The following ADARB2 variants were observed in gnomAD, a reference collection of about 807,000 sequenced individuals.
ADARB2 encodes the protein adenosine deaminase RNA specific B2 (inactive).
Under a neutral mutation model 62.2 loss-of-function variants are expected in ADARB2, and 25 were observed. The observed-to-expected ratio is 0.40, with a 90% CI of 0.29 to 0.56. ADARB2 has a LOEUF of 0.56. ADARB2 is among the 20% of genes least tolerant of loss of function. The pLI, the probability that ADARB2 is intolerant of heterozygous loss-of-function variation, is 0.43. For synonymous variants in ADARB2, 572 were observed against 500.8 expected, an observed-to-expected ratio of 1.14 and a Z score of -1.90; for missense variants, 1,071 against 1,077.4, an observed-to-expected ratio of 0.99 and a Z score of 0.08.
At position 1,179,777 on chromosome 10, in the gene ADARB2, G is replaced by A. The variant is rs1479129796; in HGVS notation, c.*3416C>T. The A allele has an allele frequency of 1.3e-5, 2 of 152,324 alleles. No individual in the cohort carries two copies. The highest frequency in any genetic ancestry group is 4.8e-5 in the African/African-American group (2 of 41,462). 9.4% of individuals were successfully genotyped at this position (152,324 alleles called of 1,614,324 possible). ...TATGAATACAGACCACAGAAAATCT[G>A]AAGCAAGGGGCTTGGCGGTGTCAGG... On this transcript the variant is annotated 3_prime_UTR_variant, in exon 10 of 10. Transcript: ENST00000381312.
chr10:1,469,394 T>C (rs140422192), intron 1 of ADARB2, among the ~76,000 whole-genome samples: 1 of 152,342 alleles, frequency 6.6e-6, no homozygotes, highest in East Asian at 1.9e-4. Flanking sequence ...ATTCTGATCT[T>C]AGAATTTGTA....
intron 1 of ADARB2, among the ~76,000 whole-genome samples, chr10:1,724,847 C>A (rs1835143739): frequency 6.6e-6 from 1 of 152,176 alleles, no homozygotes; most frequent in African/African-American, 2.4e-5. Flanking sequence ...AGCCACAATG[C>A]CTGATGAGGG....
At chr10:1,481,870 AAG>A (rs1491072627) in intron 1 of ADARB2, among the ~76,000 whole-genome samples, 1 of 151,596 alleles carries the variant, frequency 6.6e-6, no homozygotes, top group Non-Finnish European at 1.5e-5. Context: ...AAAAAAAAAA[AAG>A]AGAATAGAAA....
At chr10:1,571,654 G>A (rs1235483954) in intron 1 of ADARB2, among the ~76,000 whole-genome samples, 5 of 152,092 alleles carry the variant, frequency 3.3e-5, no homozygotes, top group Non-Finnish European at 7.4e-5. Flanking sequence ...ATGCAGGTGA[G>A]TGGACAGGTG....
At chr10:1,571,969 A>AGGTGAGTGTGCT (rs558816181) in intron 1 of ADARB2, among the ~76,000 whole-genome samples, 1 of 144,948 alleles carries the variant, frequency 6.9e-6, no homozygotes, top group African/African-American at 2.7e-5. Context: ...GTGAGTGTGC[A>AGGTGAGTGTGCT]GGTGAGTGTG....
intron 1 of ADARB2, among the ~76,000 whole-genome samples, chr10:1,394,063 C>T (rs1466872820): frequency 6.6e-6 from 1 of 152,184 alleles, no homozygotes; most frequent in Non-Finnish European, 1.5e-5. Context: ...GCACTTGCTC[C>T]ACTCACTCGT....
rs1835032307 is a variant in ADARB2, at chr10:1,717,327, C to T, written c.100+19724G>A. 2.6e-5 allele frequency among the ~76,000 whole-genome samples: 4 copies of T among 151,506 alleles called. No homozygotes were observed. In the South Asian group the frequency reaches 8.4e-4, roughly 32 times the overall value. On this transcript the variant is annotated intron_variant, in intron 1 of 9. Coordinates refer to ENST00000381312, the MANE Select transcript of ADARB2 (RefSeq NM_018702.4). ...TGAGTCGGGGAAGCCCTGGGGACCC[C>T]AGGGCAGCTGGGCCTGTGTCAGTGA...
chr10:1,407,424 C>T (rs537561220), intron 1 of ADARB2, among the ~76,000 whole-genome samples: 9 of 152,320 alleles, frequency 5.9e-5, no homozygotes, highest in Admixed American at 1.3e-4. Flanking sequence ...TAACCCCTGG[C>T]GGTGGTCCCA....
chr10:1,677,693 T>C (rs551953391), intron 1 of ADARB2, among the ~76,000 whole-genome samples: 2 of 152,338 alleles, frequency 1.3e-5, no homozygotes, highest in African/African-American at 4.8e-5. Context: ...ACTACAGCTA[T>C]GTATTTGCAT....
chr10:1,341,494 G>C (rs1832027596), intron 3 of ADARB2, among the ~76,000 whole-genome samples: 1 of 144,354 alleles, frequency 6.9e-6, no homozygotes, highest in Non-Finnish European at 1.5e-5. Flanking sequence ...GCAATAACCA[G>C]CATCCACCAG....
chr10:1,458,587 C>T (rs1831126810), intron 1 of ADARB2, among the ~76,000 whole-genome samples: 2 of 152,216 alleles, frequency 1.3e-5, no homozygotes, highest in Admixed American at 6.5e-5. Flanking sequence ...CTTCTTCCTT[C>T]TCCACTTGGG....
chr10:1,185,511 A>AAAACAAACC (rs1554741659), intron 8 of ADARB2, among the ~76,000 whole-genome samples: 1 of 152,138 alleles, frequency 6.6e-6, no homozygotes, highest in East Asian at 1.9e-4. Context: ...AAAACAAAAC[A>AAAACAAACC]AAACAATAAA....
chr10:1,459,915 A>G (rs1831147116), intron 1 of ADARB2, among the ~76,000 whole-genome samples: 1 of 144,844 alleles, frequency 6.9e-6, no homozygotes, highest in African/African-American at 2.7e-5. Context: ...TGTGCAGCAA[A>G]CCTGCCTGTG....
chr10:1,276,108 T>C lies in ADARB2; in HGVS notation c.1078-5039A>G, dbSNP rs1392738650. Among the ~76,000 whole-genome samples the C allele has an allele frequency of 2.0e-5, 3 of 152,048 alleles. No individual in the cohort carries two copies. The East Asian group carries it at 5.8e-4, about 29-fold the overall frequency. Reference sequence around the variant, plus strand: ...CTGACTTCCACAATGGTTGAACTAGTTTACAGTCCCACCAACAGTGTAAAA... The same window carrying C: ...CTGACTTCCACAATGGTTGAACTAGCTTACAGTCCCACCAACAGTGTAAAA... On this transcript the variant is annotated intron_variant, in intron 3 of 9. Coordinates refer to ENST00000381312, the MANE Select transcript of ADARB2 (RefSeq NM_018702.4).
intron 1 of ADARB2, among the ~76,000 whole-genome samples, chr10:1,443,011 G>GCACA (rs1030925861): frequency 1.3e-5 from 2 of 152,180 alleles, no homozygotes; most frequent in Non-Finnish European, 2.9e-5. Flanking sequence ...AACTACTTCA[G>GCACA]CACAAAAGAC....
At chr10:1,414,674 T>C (rs567377431) in intron 1 of ADARB2, among the ~76,000 whole-genome samples, 2 of 152,366 alleles carry the variant, frequency 1.3e-5, no homozygotes, top group East Asian at 1.9e-4. Flanking sequence ...TCCCAGAGCT[T>C]GGGGCCTTTG....
intron 1 of ADARB2, among the ~76,000 whole-genome samples, chr10:1,607,042 T>A (rs1204987667): frequency 6.6e-6 from 1 of 152,322 alleles, no homozygotes; most frequent in South Asian, 2.1e-4. Context: ...GCAAAAAATA[T>A]AATGTCTAAT....
At chr10:1,607,808 C>CAT (rs1324283940) in intron 1 of ADARB2, among the ~76,000 whole-genome samples, 1 of 152,244 alleles carries the variant, frequency 6.6e-6, no homozygotes, top group Non-Finnish European at 1.5e-5. Context: ...CCACACTGGA[C>CAT]ATGACGCGGC....
chr10:1,346,565 C>T (rs896260850), intron 3 of ADARB2, among the ~76,000 whole-genome samples: 1 of 152,206 alleles, frequency 6.6e-6, no homozygotes, highest in East Asian at 1.9e-4. Context: ...TAAAATGCCT[C>T]GAGATGTGGC....
Sources: allele counts gnomAD v4.1 joint callset (sites outside exome capture counted in the v4.1 genomes callset), GRCh38; gene constraint gnomAD v4.1.1; transcripts MANE v1.5; gene names NCBI Gene and HGNC (gene_info 2026-07-23, HGNC 2026-07-21).